CDH6: variants seen among roughly 807,000 people sequenced by gnomAD.
CDH6 encodes cadherin-6.
A neutral mutation model predicts 78.0 loss-of-function variants in CDH6; 31 were observed. That is an observed-to-expected ratio of 0.40 (90% CI 0.30 to 0.54). The LOEUF is 0.54. CDH6 is among the 20% of genes least tolerant of loss of function. The pLI, the probability that CDH6 is intolerant of heterozygous loss-of-function variation, is 0.56. For synonymous variants in CDH6, 376 were observed against 368.8 expected (o/e 1.02, Z -0.23); for missense variants, 724 against 975.9 (o/e 0.74, Z 3.44).
chr5:31,203,727 T>C (rs1258328639), intron 1 of CDH6, among the ~76,000 whole-genome samples: 4 of 151,852 alleles, frequency 2.6e-5, no homozygotes, highest in Non-Finnish European at 5.9e-5. Context: ...TGTGTCTTTA[T>C]AGCAGCATGA....
chr5:31,302,790 GAGAGAGAGAGAAAGAAAGAA>G (rs1391956720), intron 6 of CDH6, among the ~76,000 whole-genome samples: 2,042 of 95,230 alleles, frequency 0.021, 33 homozygotes, highest in South Asian at 0.046. Flanking sequence ...GAGAGAGAGA[GAGAGAGAGAGAAAGAAAGAA>G]AGAAAGAAAG....
intron 6 of CDH6, among the ~76,000 whole-genome samples, chr5:31,302,751 G>GAGAA (rs67658592): frequency 7.4e-5 from 4 of 53,970 alleles, no homozygotes; most frequent in African/African-American, 1.3e-4. Context: ...AGGAAGGAAG[G>GAGAA]AGAAAGAAAG....
At chr5:31,311,023 T>G (rs1384443212) in intron 7 of CDH6, among the ~76,000 whole-genome samples, 3 of 152,212 alleles carry the variant, frequency 2.0e-5, no homozygotes, top group Non-Finnish European at 2.9e-5. Flanking sequence ...TTAGGGAAAT[T>G]TCTGCAGCAG....
At chr5:31,199,659 GTGTGTGTGTA>G (rs1374886002) in intron 1 of CDH6, among the ~76,000 whole-genome samples, 1 of 109,830 alleles carries the variant, frequency 9.1e-6, no homozygotes, top group Non-Finnish European at 1.9e-5. Flanking sequence ...GTGTGTATGT[GTGTGTGTGTA>G]TGTGTGTGTG....
intron 7 of CDH6, among the ~76,000 whole-genome samples, chr5:31,307,553 A>G (rs1440450724): frequency 6.6e-6 from 1 of 152,222 alleles, no homozygotes; most frequent in African/African-American, 2.4e-5. Flanking sequence ...AATATTGTTA[A>G]TAAGGAAATG....
intron 2 of CDH6, among the ~76,000 whole-genome samples, chr5:31,289,334 G>T (rs1423145283): frequency 6.6e-6 from 1 of 152,166 alleles, no homozygotes; most frequent in Non-Finnish European, 1.5e-5. Context: ...GTATTCTGGG[G>T]TGTATATGTA....
rs1738675576 is a variant in CDH6, at chr5:31,329,037, A to C, written c.*5729A>C. ...TTCTTAGACTTATAAATTTGAAAAG[A>C]ATGCAATTTAAAAAGTGATTTCTCA... On this transcript the variant is annotated 3_prime_UTR_variant, in exon 12 of 12. Coordinates refer to ENST00000265071, the MANE Select transcript of CDH6 (RefSeq NM_004932.4). 4.7e-6 allele frequency: 1 copy of C among 212,774 alleles called. No individual in the cohort carries two copies. 13.2% of individuals were successfully genotyped at this position (212,774 alleles called of 1,614,324 possible).
At chr5:31,194,443 C>T (rs1344539416) in intron 1 of CDH6, among the ~76,000 whole-genome samples, 4 of 152,082 alleles carry the variant, frequency 2.6e-5, no homozygotes, top group Admixed American at 2.6e-4. Context: ...TGGAATGCTC[C>T]CAGTAAGGAA....
chr5:31,268,367 A>G (rs1274385133), intron 2 of CDH6, among the ~76,000 whole-genome samples: 1 of 152,194 alleles, frequency 6.6e-6, no homozygotes, highest in African/African-American at 2.4e-5. Context: ...TCATCTGACC[A>G]TTTTATTGAC....
intron 1 of CDH6, among the ~76,000 whole-genome samples, chr5:31,218,860 C>T (rs2111826664): frequency 6.6e-6 from 1 of 152,226 alleles, no homozygotes; most frequent in South Asian, 2.1e-4. Flanking sequence ...CAGCACTAAC[C>T]CACTCTCATC....
chr5:31,247,595 C>A (rs756605327), intron 1 of CDH6, among the ~76,000 whole-genome samples: 2 of 152,190 alleles, frequency 1.3e-5, no homozygotes, highest in Non-Finnish European at 2.9e-5. Context: ...GTGCCAAAGT[C>A]ATTTTTCTTT....
chr5:31,318,457 T>A, intron 11 of CDH6: 2 of 246,076 alleles, frequency 8.1e-6, no homozygotes, highest in Non-Finnish European at 1.6e-5. Flanking sequence ...TTAGCATTAC[T>A]CTCTGATTGC....
intron 8 of CDH6, among the ~76,000 whole-genome samples, chr5:31,315,350 G>T (rs1290721364): frequency 6.6e-6 from 1 of 152,136 alleles, no homozygotes; most frequent in East Asian, 1.9e-4. Flanking sequence ...TATATATTAG[G>T]TATTAGATGC....
In CDH6 at chr5:31,316,125, T is replaced by G. The variant is rs764348312; in HGVS notation, c.1391-83T>G. 3.1e-4 allele frequency: 441 copies of G among 1,424,448 alleles called. 1 individual carries two copies. The highest frequency in any genetic ancestry group is 4.0e-4 in the Non-Finnish European group (422 of 1,048,774). The allele number at this position is 1,424,448 out of a possible 1,614,324, so 88.2% of individuals were successfully genotyped here. A position where few individuals can be genotyped will look rare whatever the true frequency, so the allele number is the denominator to read the frequency against. ...TGGGGAATCTGTGCATGAATGAGAA[T>G]GAAGGAGTTGAGCGGATGTTGTCTA... On this transcript the variant is annotated intron_variant, in intron 8 of 11. Coordinates refer to ENST00000265071, the MANE Select transcript of CDH6 (RefSeq NM_004932.4).
chr5:31,311,224 T>C (rs1418146273), intron 7 of CDH6, among the ~76,000 whole-genome samples: 1 of 152,198 alleles, frequency 6.6e-6, no homozygotes, highest in Non-Finnish European at 1.5e-5. Flanking sequence ...ATCATCTCTC[T>C]CGAGTTCAAA....
At position 31,329,036 on chromosome 5, in the gene CDH6, G is replaced by C. The variant is rs184324494; in HGVS notation, c.*5728G>C. ...TTTCTTAGACTTATAAATTTGAAAA[G>C]AATGCAATTTAAAAAGTGATTTCTC... is the stretch of plus-strand genomic sequence containing the variant. On this transcript the variant is annotated 3_prime_UTR_variant, in exon 12 of 12. Coordinates refer to ENST00000265071, the MANE Select transcript of CDH6 (RefSeq NM_004932.4). The C allele has an allele frequency of 4.1e-4, 88 of 212,830 alleles. No individual in the cohort carries two copies. The highest frequency in any genetic ancestry group is 1.0e-3 in the Admixed American group (17 of 17,084). The allele number at this position is 212,830 out of a possible 1,614,324, so 13.2% of individuals were successfully genotyped here. A position where few individuals can be genotyped will look rare whatever the true frequency, so the allele number is the denominator to read the frequency against.
chr5:31,205,855 A>G (rs975851152), intron 1 of CDH6, among the ~76,000 whole-genome samples: 9 of 152,212 alleles, frequency 5.9e-5, no homozygotes, highest in African/African-American at 2.2e-4. Context: ...ATAAAACCTA[A>G]CGCTTAGCAC....
rs185260258 is a variant in CDH6 at position 31,312,829 on chromosome 5, C to T, written c.1254-489C>T. The stretch of plus-strand genomic sequence containing the variant: ...TCTCACCAATGTCATCTCCTATCTC[C>T]TTCTTCTGCCTCACTAACCTTGGCC... On this transcript the variant is annotated intron_variant, in intron 7 of 11. Coordinates refer to ENST00000265071, the MANE Select transcript of CDH6 (RefSeq NM_004932.4). Among the ~76,000 whole-genome samples the T allele has an allele frequency of 7.5e-4, 114 of 152,204 alleles. 1 individual carries two copies. Among genetic ancestry groups the T allele is most frequent in the African/African-American group, 2.6e-3 (108 of 41,538 alleles).
intron 1 of CDH6, among the ~76,000 whole-genome samples, chr5:31,241,205 G>A (rs1741593348): frequency 6.6e-6 from 1 of 152,188 alleles, no homozygotes; most frequent in Admixed American, 6.5e-5. Context: ...AATACTCTCT[G>A]TGTGGCTGGC....
Sources: gnomAD v4.1 joint callset for allele counts (sites outside exome capture counted in the v4.1 genomes callset) on GRCh38, gnomAD v4.1.1 for gene constraint, MANE v1.5 for transcripts, NCBI Gene and HGNC (gene_info 2026-07-23, HGNC 2026-07-21) for gene names.